Variants in ANKRD44 observed in about 807,000 individuals in gnomAD.
ANKRD44 encodes serine/threonine-protein phosphatase 6 regulatory ankyrin repeat subunit B.
A neutral mutation model predicts 116.0 loss-of-function variants in ANKRD44; 35 were observed. The observed-to-expected ratio is 0.30, with a 90% CI of 0.23 to 0.40. ANKRD44 has a LOEUF of 0.40. ANKRD44 is among the 10% of genes least tolerant of loss of function. The pLI is 1.00. For missense variants in ANKRD44, 1,014 were observed against 1,242.6 expected (o/e 0.82, Z 2.77); for synonymous variants, 435 against 461.8 (o/e 0.94, Z 0.74).
chr2:197,147,735 A>T, intron 2 of ANKRD44: 8 of 305,830 alleles, frequency 2.6e-5, no homozygotes, highest in South Asian at 2.1e-4. Context: ...ACAATAGTAT[A>T]CTAGACAATA....
In ANKRD44 at chr2:197,162,981, G is replaced by A. The variant is rs561408170; in HGVS notation, c.112-15876C>T. On this transcript the variant is annotated intron_variant, in intron 2 of 27. Transcript: ENST00000282272. ...CTGCAGGTTTCTGTGGTGAGACAGA[G>A]AACCGGTTGTCTACTAGGGTCTGGA... is the stretch of plus-strand genomic sequence containing the variant. Among the ~76,000 whole-genome samples the A allele has an allele frequency of 1.9e-4, 29 of 152,268 alleles. No individual in the cohort carries two copies. The South Asian group carries it at 3.9e-3, about 21-fold the overall frequency.
chr2:197,182,472 T>C (rs1043563730), intron 2 of ANKRD44, among the ~76,000 whole-genome samples: 1 of 152,342 alleles, frequency 6.6e-6, no homozygotes, highest in South Asian at 2.1e-4. Flanking sequence ...AGAAATGAAC[T>C]ATAAGCTACC....
chr2:196,971,154 C>T (rs1487895710), intron 21 of ANKRD44, among the ~76,000 whole-genome samples: 2 of 152,162 alleles, frequency 1.3e-5, no homozygotes, highest in Non-Finnish European at 2.9e-5. Context: ...TTAACTACAA[C>T]TTTACCATTC....
At chr2:197,139,942 C>T (rs1180817466) in intron 3 of ANKRD44, among the ~76,000 whole-genome samples, 3 of 150,214 alleles carry the variant, frequency 2.0e-5, no homozygotes, top group Non-Finnish European at 3.0e-5. Context: ...TGCAGTGGTG[C>T]GATCTCGGCT....
chr2:197,293,114 T>C, intron 1 of ANKRD44, among the ~76,000 whole-genome samples: 1 of 152,108 alleles, frequency 6.6e-6, no homozygotes, highest in East Asian at 1.9e-4. Flanking sequence ...TAACCAAAAA[T>C]TAATCACTTC....
At chr2:197,284,150 T>A (rs2083340102) in intron 1 of ANKRD44, among the ~76,000 whole-genome samples, 1 of 152,178 alleles carries the variant, frequency 6.6e-6, no homozygotes, top group Non-Finnish European at 1.5e-5. Context: ...TGGAAAGACA[T>A]CTATACCTAT....
rs773997604 is a variant in ANKRD44 at position 197,122,768 on chromosome 2, A to G, written c.575T>C (p.Leu192Pro). The part of the protein sequence containing the change: ...YMGHLDVVAL[L>P]INHGAEVTCK... ...GGTCACTTCTGCGCCATGGTTAATG[A>G]GCAATGCTACAACATCCAAGTGGCC... is the stretch of plus-strand genomic sequence containing the variant. The change falls in exon 7 of 28, where the codon CTC (leucine) becomes CCC (proline). Residue 192 changes from leucine to proline, a missense_variant. Coordinates refer to ENST00000282272, the MANE Select transcript of ANKRD44 (RefSeq NM_001195144.2). 1 of 1,614,136 alleles carries G rather than the reference A, an allele frequency of 6.2e-7. No homozygotes were observed. The highest frequency in any genetic ancestry group is 1.7e-5 in the Admixed American group (1 of 60,020).
At chr2:197,144,935 C>A (rs1251389487) in intron 3 of ANKRD44, among the ~76,000 whole-genome samples, 2 of 152,188 alleles carry the variant, frequency 1.3e-5, no homozygotes, top group Non-Finnish European at 2.9e-5. Context: ...AGACAAAGTT[C>A]TGAATTTGTA....
chr2:197,261,523 A>AG (rs1342792050), intron 1 of ANKRD44, among the ~76,000 whole-genome samples: 1 of 150,354 alleles, frequency 6.7e-6, no homozygotes, highest in African/African-American at 2.4e-5. Flanking sequence ...ACCAAAAAAA[A>AG]AAAAAGAAGT....
chr2:196,976,322 G>A (rs2075760163), intron 21 of ANKRD44, among the ~76,000 whole-genome samples: 2 of 152,100 alleles, frequency 1.3e-5, no homozygotes, highest in Admixed American at 6.6e-5. Flanking sequence ...ATTTTTAGTA[G>A]AGACTGGGTT....
At chr2:197,294,827 G>T (rs1284133311) in intron 1 of ANKRD44, among the ~76,000 whole-genome samples, 2 of 152,138 alleles carry the variant, frequency 1.3e-5, no homozygotes, top group East Asian at 3.9e-4. Flanking sequence ...TCTCTACTTG[G>T]GGAATAGAAA....
chr2:197,039,691 G>A (rs910606829), intron 16 of ANKRD44, among the ~76,000 whole-genome samples: 3 of 11,820 alleles, frequency 2.5e-4, no homozygotes, highest in East Asian at 2.6e-3. Flanking sequence ...GTGTGTGTGT[G>A]TGTGTGTGTG....
intron 27 of ANKRD44, chr2:196,992,806 T>C (rs1328188953): frequency 6.5e-6 from 1 of 152,676 alleles, no homozygotes; most frequent in Non-Finnish European, 1.5e-5. Context: ...CTAATTCCAA[T>C]ACCTGTAATA....
intron 1 of ANKRD44, among the ~76,000 whole-genome samples, chr2:197,228,061 G>A (rs181836537): frequency 3.5e-4 from 53 of 152,232 alleles, no homozygotes; most frequent in African/African-American, 9.4e-4. Context: ...AGACAGACCC[G>A]GAATCAAATC....
intron 2 of ANKRD44, among the ~76,000 whole-genome samples, chr2:197,182,968 GAGA>G (rs2080548124): frequency 1.3e-5 from 2 of 152,132 alleles, no homozygotes; most frequent in Non-Finnish European, 2.9e-5. Flanking sequence ...GAAAGGAAGT[GAGA>G]AGTAGGACAA....
intron 16 of ANKRD44, among the ~76,000 whole-genome samples, chr2:197,028,298 C>A (rs976148388): frequency 6.6e-6 from 1 of 152,150 alleles, no homozygotes; most frequent in Non-Finnish European, 1.5e-5. Flanking sequence ...ACATAGCTCA[C>A]TGCAGCCTTG....
At chr2:197,310,434 A>G in intron 1 of ANKRD44, 144 bp downstream of exon 1, 1 of 406,034 alleles carries the variant, frequency 2.5e-6, no homozygotes, top group Non-Finnish European at 3.3e-6. Context: ...GGGCTCTCGG[A>G]GGCACCGGCG....
rs546977497 is a variant in ANKRD44 at position 197,280,643 on chromosome 2, C to T, written c.27+29935G>A. 8.7e-4 allele frequency among the ~76,000 whole-genome samples: 133 copies of T among 152,228 alleles called. 6 individuals carry two copies. In the South Asian group the frequency reaches 0.026, roughly 30 times the overall value. ...ATAGCCACGGTCTTGATAAGCCTCGCGGATGAGATTTTGGCGGACTAGGGA... is the reference window on the plus strand; with the variant it reads ...ATAGCCACGGTCTTGATAAGCCTCGTGGATGAGATTTTGGCGGACTAGGGA... On this transcript the variant is annotated intron_variant, in intron 1 of 27. Coordinates refer to ENST00000282272, the MANE Select transcript of ANKRD44 (RefSeq NM_001195144.2).
At chr2:197,084,227 T>G (rs1361737919) in intron 13 of ANKRD44, among the ~76,000 whole-genome samples, 3 of 152,160 alleles carry the variant, frequency 2.0e-5, no homozygotes, top group African/African-American at 7.2e-5. Flanking sequence ...ATAACCAAAC[T>G]GGATGACTTG....
Sources: gnomAD v4.1 joint callset for allele counts (sites outside exome capture counted in the v4.1 genomes callset) on GRCh38, gnomAD v4.1.1 for gene constraint, MANE v1.5 for transcripts, NCBI Gene and HGNC (gene_info 2026-07-23, HGNC 2026-07-21) for gene names.